ARSL: variants seen among roughly 807,000 people sequenced by gnomAD.
ARSL encodes arylsulfatase E (chondrodysplasia punctata 1).
A neutral mutation model predicts 31.1 loss-of-function variants in ARSL; 4 were observed. The observed-to-expected ratio is 0.13, with a 90% confidence interval of 0.06 to 0.29. ARSL has a LOEUF of 0.29. Ranked by LOEUF, ARSL falls within the 10% of genes least tolerant of loss-of-function variation. The pLI is 1.00. For missense variants in ARSL, 312 were observed against 497.8 expected, an observed-to-expected ratio of 0.63 and a Z score of 3.55; for synonymous variants, 198 against 209.9, an observed-to-expected ratio of 0.94 and a Z score of 0.49.
At chrX:2,961,683 C>T (rs777781608) in intron 1 of ARSL, among the ~76,000 whole-genome samples, 10 of 110,980 alleles carry the variant, frequency 9.0e-5, no homozygotes, top group Admixed American at 6.7e-4. Context: ...CTTTTTCTAC[C>T]GGACCCTTCC....
intron 10 of ARSL, among the ~76,000 whole-genome samples, chrX:2,936,128 G>A (rs113846904): frequency 1.0e-4 from 11 of 109,819 alleles, no homozygotes; most frequent in Admixed American, 6.9e-4. Flanking sequence ...GAGGCCAGGG[G>A]TTCAAGAACA....
chrX:2,966,967 T>TA (rs2089705049), upstream of ARSL, among the ~76,000 whole-genome samples: 1 of 111,314 alleles, frequency 9.0e-6, no homozygotes, highest in Non-Finnish European at 1.9e-5. Context: ...CATATATACC[T>TA]ATAAAACATG....
chrX:2,951,404 C>T (rs564185552), intron 5 of ARSL, among the ~76,000 whole-genome samples: 4 of 110,239 alleles, frequency 3.6e-5, no homozygotes, highest in South Asian at 7.9e-4. Context: ...TGTCAACCAC[C>T]CCAATGCTGT....
At chrX:2,958,638 T>C (rs911951683) in intron 2 of ARSL, among the ~76,000 whole-genome samples, 5 of 112,281 alleles carry the variant, frequency 4.5e-5, no homozygotes, top group African/African-American at 6.5e-5. Flanking sequence ...TTGAAGTTTT[T>C]TGGGTTTTTT....
At chrX:2,940,853 T>C (rs1388722246) in intron 8 of ARSL, among the ~76,000 whole-genome samples, 1 of 111,670 alleles carries the variant, frequency 9.0e-6, no homozygotes, top group Non-Finnish European at 1.9e-5. Context: ...GGAGGATCAC[T>C]TGAGCCCAGG....
At chrX:2,948,132 GA>G (rs1421911964) in intron 6 of ARSL, among the ~76,000 whole-genome samples, 3 of 111,201 alleles carry the variant, frequency 2.7e-5, no homozygotes, top group Non-Finnish European at 5.7e-5. Flanking sequence ...AAAAAAAAAA[GA>G]AAAAAATTAT....
At chrX:2,941,975 A>G (rs1224532758) in intron 8 of ARSL, among the ~76,000 whole-genome samples, 1 of 112,713 alleles carries the variant, frequency 8.9e-6, no homozygotes, top group South Asian at 3.7e-4. Flanking sequence ...GCCACGTCTC[A>G]CTAACACAGG....
chrX:2,946,035 C>A lies in ARSL; in HGVS notation c.954G>T (p.Leu318=). ...ENFLGKSLHG[L]YGDNVEEMDW... ...CCATCTCCTCTACGTTGTCCCCATACAGCCCGTGGAGACTCTTCCCGAGGA... is the reference window on the plus strand; with the variant it reads ...CCATCTCCTCTACGTTGTCCCCATAAAGCCCGTGGAGACTCTTCCCGAGGA... The change falls in exon 7 of 11, where the codon CTG becomes CTT. Residue 318 remains leucine (L), a synonymous_variant. Transcript: ENST00000381134. 1 of 1,211,223 alleles carries A rather than the reference C, an allele frequency of 8.3e-7. No homozygotes were observed.
chrX:2,936,761 G>A lies in ARSL; in HGVS notation c.1392C>T (p.Ala464=). Residue 464 remains alanine, a synonymous_variant, in exon 10 of 11, where the codon GCC becomes GCT. Coordinates refer to ENST00000381134, the MANE Select transcript of ARSL (RefSeq NM_000047.3). ...ACTCACTGTCCCGTTGATGCCACCT[G>A]GCTGCGTGCAGAAACCTCTCACAAT... is the stretch of plus-strand genomic sequence containing the variant. ...MHYCERFLHA[A]RWHQRDRGTM... is the part of the protein sequence containing the mutation. 8.3e-7 allele frequency: 1 copy of A among 1,211,311 alleles called. No homozygotes were observed. The highest frequency in any genetic ancestry group is 2.2e-5 in the Admixed American group (1 of 45,968).
rs183359248 is a variant in ARSL at position 2,937,164 on chromosome X, C to T, written c.1290-301G>A. On this transcript the variant is annotated intron_variant, in intron 9 of 10. Transcript: ENST00000381134. ...ATCCCAGCACTTTGGGAGGTCGAGG[C>T]GGGTGGATCACCTGAGGTCAGGAAT... 3.6e-5 allele frequency among the ~76,000 whole-genome samples: 4 copies of T among 111,437 alleles called. No individual in the cohort carries two copies. In the East Asian group the frequency reaches 8.4e-4, roughly 24 times the overall value.
At chrX:2,949,797 T>C (rs969427271) in intron 5 of ARSL, 70 bp from the exon 6 acceptor site, 61 of 1,094,217 alleles carry the variant, frequency 5.6e-5, no homozygotes, top group Non-Finnish European at 7.2e-5. Flanking sequence ...ATTGACTGTT[T>C]GTCACATTCC....
rs1269469204 is a variant in ARSL, at chrX:2,935,203, T to C, written c.1412-13A>G. 1 of 1,203,340 alleles carries C rather than the reference T, an allele frequency of 8.3e-7. No homozygotes were observed. Among genetic ancestry groups the C allele is most frequent in the Non-Finnish European group, 1.1e-6 (1 of 889,540 alleles). On this transcript the variant is annotated splice_polypyrimidine_tract_variant and intron_variant, in intron 10 of 10. Transcript: ENST00000381134. ...CACATTGTTCCTCCTGGTGGAAAGA[T>C]AATCATTACAGAGTTGGCATAGAGA...
upstream of ARSL, among the ~76,000 whole-genome samples, chrX:2,966,737 T>C (rs768107444): frequency 2.3e-4 from 25 of 109,736 alleles, no homozygotes; most frequent in African/African-American, 8.2e-4. Context: ...AAAATATATA[T>C]GTACATATAT....
upstream of ARSL, among the ~76,000 whole-genome samples, chrX:2,967,549 C>G (rs1478505249): frequency 1.8e-5 from 2 of 111,301 alleles, no homozygotes; most frequent in Non-Finnish European, 3.8e-5. Context: ...GAGTTTGAGA[C>G]CAGCCTGGAC....
At position 2,944,257 on chromosome X, in the gene ARSL, C is replaced by A. The variant is rs182349144; in HGVS notation, c.992-1058G>T. On this transcript the variant is annotated intron_variant, in intron 7 of 10. Transcript: ENST00000381134. ...GATCACAAGGTCAGCAGTTCGAGAC[C>A]AGCCTGGCCAACATGGTGAAACCCC... is the stretch of plus-strand genomic sequence containing the variant. 1.2e-3 allele frequency among the ~76,000 whole-genome samples: 133 copies of A among 109,203 alleles called. 1 individual carries two copies. The highest frequency in any genetic ancestry group is 4.1e-3 in the African/African-American group (122 of 30,015). 94.8% of individuals were successfully genotyped at this position (109,203 alleles called of 115,157 possible). A position where few individuals can be genotyped will look rare whatever the true frequency, so the allele number is the denominator to read the frequency against.
At chrX:2,946,202 C>A (rs1260185860) in intron 6 of ARSL, 68 bp from the exon 7 acceptor site, 19 of 1,037,537 alleles carry the variant, frequency 1.8e-5, no homozygotes, top group Non-Finnish European at 2.4e-5. Flanking sequence ...CCTGTAGATA[C>A]TAAATACGGA....
intron 3 of ARSL, among the ~76,000 whole-genome samples, chrX:2,956,651 G>A (rs977127561): frequency 3.7e-5 from 4 of 108,881 alleles, no homozygotes; most frequent in African/African-American, 6.7e-5. Context: ...TAGTAGAGAC[G>A]GGGGTTTCAC....
chrX:2,939,312 G>C (rs1264865438), intron 8 of ARSL, among the ~76,000 whole-genome samples: 1 of 112,088 alleles, frequency 8.9e-6, no homozygotes, highest in African/African-American at 3.2e-5. Flanking sequence ...GCAGGGAGGA[G>C]CCTCCCCTAG....
At chrX:2,947,095 G>T (rs776034431) in intron 6 of ARSL, among the ~76,000 whole-genome samples, 6 of 110,319 alleles carry the variant, frequency 5.4e-5, no homozygotes, top group Admixed American at 1.9e-4. Context: ...GGGGTGGGAG[G>T]ATTGCTTGAC....
Sources: gnomAD v4.1 joint callset for allele counts (sites outside exome capture counted in the v4.1 genomes callset) on GRCh38, gnomAD v4.1.1 for gene constraint, MANE v1.5 for transcripts, NCBI Gene and HGNC (gene_info 2026-07-23, HGNC 2026-07-21) for gene names.